The following GULP1 variants were observed in gnomAD, a reference collection of about 807,000 sequenced individuals.
GULP1 encodes the protein PTB domain-containing engulfment adapter protein 1.
A neutral mutation model predicts 40.9 loss-of-function variants in GULP1; 19 were observed. The observed-to-expected ratio is 0.46, with a 90% CI of 0.32 to 0.68. GULP1 has a LOEUF of 0.68. Among genes scored for constraint, GULP1 ranks in the 30% least tolerant of loss-of-function variants. The pLI, the probability that GULP1 is intolerant of heterozygous loss-of-function variation, is 0.03. For synonymous variants in GULP1, 119 were observed against 117.6 expected (o/e 1.01, Z -0.08); for missense variants, 312 against 362.2 (o/e 0.86, Z 1.12).
intron 2 of GULP1, among the ~76,000 whole-genome samples, chr2:188,389,766 C>T (rs1361687072): frequency 6.6e-6 from 1 of 152,040 alleles, no homozygotes; most frequent in African/African-American, 2.4e-5. Flanking sequence ...ACCCAGTTCC[C>T]ACCCTCCCCA....
intron 1 of GULP1, among the ~76,000 whole-genome samples, chr2:188,327,006 G>A (rs1202736324): frequency 2.6e-5 from 4 of 152,148 alleles, no homozygotes; most frequent in Non-Finnish European, 5.9e-5. Flanking sequence ...GGCTCTAGCT[G>A]AACTCTATTC....
intron 2 of GULP1, among the ~76,000 whole-genome samples, chr2:188,455,709 A>C (rs1180294944): frequency 6.6e-6 from 1 of 152,234 alleles, no homozygotes; most frequent in African/African-American, 2.4e-5. Flanking sequence ...ACTGAAACTG[A>C]AAAGATAACT....
rs1356983622 is a variant in GULP1, at chr2:188,569,324, C to A, written c.485C>A (p.Thr162Lys). Residue 162 changes from threonine to lysine, a missense_variant, in exon 8 of 12, where the codon ACA (threonine) becomes AAA (lysine). Physicochemically the swap from Thr to Lys is moderately conservative, Grantham distance 78. Coordinates refer to ENST00000409830, the MANE Select transcript of GULP1 (RefSeq NM_016315.4). ...FLESGGKDVE[T>K]RKQIAGLQKR... is the part of the protein sequence containing the mutation. Reference sequence around the variant, plus strand: ...GAATCAGGAGGAAAAGATGTTGAAACAAGAAAACAGATCGCAGGGTTACAA... The same window carrying A: ...GAATCAGGAGGAAAAGATGTTGAAAAAAGAAAACAGATCGCAGGGTTACAA... The A allele has an allele frequency of 6.3e-7, 1 of 1,585,716 alleles. No homozygotes were observed. The highest frequency in any genetic ancestry group is 8.7e-7 in the Non-Finnish European group (1 of 1,154,398).
Position 188,569,230 on chromosome 2 carries a change from T to G in GULP1, c.400-9T>G, listed in dbSNP as rs754591115. The G allele has an allele frequency of 7.2e-7, 1 of 1,380,948 alleles. No individual in the cohort carries two copies. The allele number at this position is 1,380,948 out of a possible 1,614,324, so 85.5% of individuals were successfully genotyped here. A position where few individuals can be genotyped will look rare whatever the true frequency, so the allele number is the denominator to read the frequency against. Reference sequence around the variant, plus strand: ...TTAAAATGCAAATCTTTGTTTGATTTTTACACAGGCTGAAGAGATCACTTT... The same window carrying G: ...TTAAAATGCAAATCTTTGTTTGATTGTTACACAGGCTGAAGAGATCACTTT... On this transcript the variant is annotated splice_polypyrimidine_tract_variant and intron_variant, in intron 7 of 11. Transcript: ENST00000409830.
intron 2 of GULP1, among the ~76,000 whole-genome samples, chr2:188,435,161 C>T (rs1417194526): frequency 6.6e-6 from 1 of 152,044 alleles, no homozygotes; most frequent in Middle Eastern, 3.2e-3. Flanking sequence ...CAGTTTGTCT[C>T]AGTTGGTTTT....
At chr2:188,378,336 A>T (rs985975428) in intron 1 of GULP1, among the ~76,000 whole-genome samples, 2 of 152,090 alleles carry the variant, frequency 1.3e-5, no homozygotes, top group East Asian at 1.9e-4. Flanking sequence ...GGCAAAAAAA[A>T]TTATAAGGTG....
intron 2 of GULP1, among the ~76,000 whole-genome samples, chr2:188,391,998 T>A (rs559907716): frequency 2.0e-5 from 3 of 152,228 alleles, no homozygotes; most frequent in African/African-American, 7.2e-5. Context: ...GATGTGCTGT[T>A]GCATTTGGTT....
chr2:188,422,474 T>C (rs1312241981), intron 2 of GULP1, among the ~76,000 whole-genome samples: 1 of 151,484 alleles, frequency 6.6e-6, no homozygotes, highest in Non-Finnish European at 1.5e-5. Flanking sequence ...CTTAACCCCC[T>C]CCTTTACTTA....
chr2:188,582,354 T>C, intron 9 of GULP1: 1 of 471,232 alleles, frequency 2.1e-6, no homozygotes, highest in South Asian at 1.5e-5. Flanking sequence ...CTGCACAATA[T>C]GTCTGATCAT....
intron 2 of GULP1, among the ~76,000 whole-genome samples, chr2:188,450,563 G>A (rs1044728245): frequency 1.3e-5 from 2 of 151,800 alleles, no homozygotes; most frequent in African/African-American, 2.4e-5. Context: ...ATTCATCTGG[G>A]TATATACAAT....
At chr2:188,331,150 A>G (rs1480621380) in intron 1 of GULP1, among the ~76,000 whole-genome samples, 1 of 152,134 alleles carries the variant, frequency 6.6e-6, no homozygotes, top group African/African-American at 2.4e-5. Context: ...TTGTCTCTGA[A>G]GTATAATTGA....
At chr2:188,427,254 G>T (rs546512154) in intron 2 of GULP1, among the ~76,000 whole-genome samples, 3 of 152,326 alleles carry the variant, frequency 2.0e-5, no homozygotes, top group Middle Eastern at 3.4e-3. Flanking sequence ...AAGATTGGCA[G>T]CCTGGTCATC....
chr2:188,545,136 A>G (rs1313443990), intron 7 of GULP1, among the ~76,000 whole-genome samples: 1 of 152,110 alleles, frequency 6.6e-6, no homozygotes, highest in Non-Finnish European at 1.5e-5. Flanking sequence ...ATCCAGAAAC[A>G]TATTCTTCAG....
rs149103501 is a variant in GULP1 at position 188,466,180 on chromosome 2, G to A, written c.-44-11479G>A. Among the ~76,000 whole-genome samples, 1,048 of 152,028 alleles carry A rather than the reference G, an allele frequency of 6.9e-3. 7 individuals are homozygous for A. Among genetic ancestry groups the A allele is most frequent in the African/African-American group, 0.024 (988 of 41,478 alleles). ...CCATTTTTCAGGCTTTCTTTTTGTA[G>A]AGCTCTCAATATCATTTAATCATGT... On this transcript the variant is annotated intron_variant, in intron 2 of 11. Transcript: ENST00000409830.
chr2:188,526,491 T>G (rs1038804226), intron 5 of GULP1, among the ~76,000 whole-genome samples: 1 of 152,116 alleles, frequency 6.6e-6, no homozygotes, highest in Non-Finnish European at 1.5e-5. Context: ...TCAACATATC[T>G]TCCTAAGATT....
chr2:188,582,363 A>G, intron 9 of GULP1: 1 of 471,192 alleles, frequency 2.1e-6, no homozygotes, highest in South Asian at 1.5e-5. Flanking sequence ...ATGTCTGATC[A>G]TGAACAACAT....
At chr2:188,354,291 A>G (rs952876531) in intron 1 of GULP1, among the ~76,000 whole-genome samples, 1 of 152,078 alleles carries the variant, frequency 6.6e-6, no homozygotes, top group Admixed American at 6.5e-5. Context: ...TCTGGTTCCC[A>G]AACTGATGCC....
intron 1 of GULP1, among the ~76,000 whole-genome samples, chr2:188,306,930 G>C (rs1352476000): frequency 2.6e-5 from 4 of 152,188 alleles, no homozygotes; most frequent in Non-Finnish European, 5.9e-5. Flanking sequence ...TGTACTTTTT[G>C]TGTATTTGAT....
At chr2:188,305,944 A>G (rs1455330575) in intron 1 of GULP1, among the ~76,000 whole-genome samples, 2 of 151,930 alleles carry the variant, frequency 1.3e-5, no homozygotes, top group South Asian at 4.2e-4. Context: ...CGCCTGGCTA[A>G]TTTTTGTATT....
Sources: allele counts gnomAD v4.1 joint callset (sites outside exome capture counted in the v4.1 genomes callset), GRCh38; gene constraint gnomAD v4.1.1; transcripts MANE v1.5; gene names NCBI Gene and HGNC (gene_info 2026-07-23, HGNC 2026-07-21).